MTHFD1L: variants seen among roughly 807,000 people sequenced by gnomAD.
MTHFD1L encodes methylenetetrahydrofolate dehydrogenase (NADP+ dependent) 1 like.
Under a neutral mutation model 119.5 loss-of-function variants are expected in MTHFD1L, and 81 were observed. That is an observed-to-expected ratio of 0.68 (90% CI 0.57 to 0.82). The LOEUF (loss-of-function observed/expected upper bound fraction) is 0.82. Among genes scored for constraint, MTHFD1L ranks in the 40% least tolerant of loss-of-function variants. The pLI, the probability that MTHFD1L is intolerant of heterozygous loss-of-function variation, is 0.00. For missense variants in MTHFD1L, 1,125 were observed against 1,253.4 expected (o/e 0.90, Z 1.55); for synonymous variants, 430 against 475.2 (o/e 0.90, Z 1.24).
At chr6:151,009,122 CAAAAAAAAAAA>C (rs59189384) in intron 20 of MTHFD1L, among the ~76,000 whole-genome samples, 11 of 96,874 alleles carry the variant, frequency 1.1e-4, no homozygotes, top group African/African-American at 3.4e-4. Flanking sequence ...AACTCCATCT[CAAAAAAAAAAA>C]AAAAAAAAAG....
chr6:150,918,515 G>A, intron 8 of MTHFD1L, 62 bp from the exon 9 acceptor site: 1 of 1,142,936 alleles, frequency 8.7e-7, no homozygotes, highest in Non-Finnish European at 1.3e-6. Flanking sequence ...TGTTTACAAG[G>A]AGCAATTGGT....
intron 11 of MTHFD1L, among the ~76,000 whole-genome samples, chr6:150,927,818 G>A (rs1350517467): frequency 3.3e-5 from 5 of 152,086 alleles, no homozygotes; most frequent in Non-Finnish European, 5.9e-5. Context: ...AAATGCCCAG[G>A]ATGAGGGTGG....
At chr6:150,900,253 T>A (rs1784905069) in intron 7 of MTHFD1L, among the ~76,000 whole-genome samples, 1 of 152,106 alleles carries the variant, frequency 6.6e-6, no homozygotes, top group South Asian at 2.1e-4. Context: ...TTTATCTTGC[T>A]TGACCACAGC....
At chr6:150,866,708 C>T in intron 1 of MTHFD1L, 1 of 1,123,378 alleles carries the variant, frequency 8.9e-7, no homozygotes, top group Non-Finnish European at 1.1e-6. Context: ...AGCTTCGCCG[C>T]GCAGCGCCCA....
intron 26 of MTHFD1L, among the ~76,000 whole-genome samples, chr6:151,049,660 T>TGA (rs1788702351): frequency 1.7e-5 from 1 of 59,782 alleles, no homozygotes. Flanking sequence ...AGACTCCATC[T>TGA]CAAAAAAAAA....
intron 24 of MTHFD1L, among the ~76,000 whole-genome samples, chr6:151,031,217 C>T (rs1367634122): frequency 1.3e-5 from 2 of 152,238 alleles, no homozygotes; most frequent in Non-Finnish European, 2.9e-5. Context: ...GCACTCAAAA[C>T]GACTTCCTTC....
chr6:150,880,608 G>A (rs868376569), intron 4 of MTHFD1L, among the ~76,000 whole-genome samples: 9 of 152,318 alleles, frequency 5.9e-5, no homozygotes, highest in Middle Eastern at 3.4e-3. Flanking sequence ...GTTCCCATGC[G>A]TATATACCTA....
intron 24 of MTHFD1L, among the ~76,000 whole-genome samples, chr6:151,033,977 A>G (rs1301575434): frequency 6.6e-6 from 1 of 152,022 alleles, no homozygotes; most frequent in Admixed American, 6.5e-5. Context: ...GGAGTTCAAG[A>G]CCAACCTGGG....
intron 8 of MTHFD1L, among the ~76,000 whole-genome samples, 187 bp downstream of exon 8, chr6:150,905,948 G>T (rs1186815308): frequency 6.6e-6 from 1 of 152,184 alleles, no homozygotes; most frequent in Non-Finnish European, 1.5e-5. Context: ...GACCAAGATG[G>T]CGGTTGAGGT....
At chr6:150,970,485 G>A (rs1436675735) in intron 19 of MTHFD1L, among the ~76,000 whole-genome samples, 1 of 152,166 alleles carries the variant, frequency 6.6e-6, no homozygotes, top group South Asian at 2.1e-4. Context: ...AGTCATTTTA[G>A]CCACATTTCC....
chr6:150,974,453 C>A (rs1776246637), intron 20 of MTHFD1L, among the ~76,000 whole-genome samples: 1 of 152,162 alleles, frequency 6.6e-6, no homozygotes, highest in East Asian at 1.9e-4. Flanking sequence ...AAGTTACCAT[C>A]TTCACCATTT....
chr6:151,060,629 G>C (rs906463561), intron 26 of MTHFD1L, among the ~76,000 whole-genome samples: 2 of 152,316 alleles, frequency 1.3e-5, no homozygotes, highest in Non-Finnish European at 1.5e-5. Context: ...CTCACCAGGG[G>C]TCGAGGGACA....
intron 17 of MTHFD1L, among the ~76,000 whole-genome samples, chr6:150,959,873 T>C (rs1197437400): frequency 6.6e-6 from 1 of 152,194 alleles, no homozygotes; most frequent in Non-Finnish European, 1.5e-5. Context: ...CTGCCTAATA[T>C]AGTCCCTGCC....
intron 1 of MTHFD1L, 123 bp from the exon 2 acceptor site, chr6:150,875,967 T>C: frequency 1.3e-6 from 1 of 749,274 alleles, no homozygotes. Context: ...ACACTTGGAG[T>C]GCGTCCTTCT....
chr6:150,876,294 C>A, intron 2 of MTHFD1L, 120 bp downstream of exon 2: 1 of 802,636 alleles, frequency 1.2e-6, no homozygotes, highest in Non-Finnish European at 1.9e-6. Context: ...GTTGGCAATG[C>A]TGTTTTCTTT....
intron 1 of MTHFD1L, among the ~76,000 whole-genome samples, chr6:150,870,619 A>C (rs1175415936): frequency 2.0e-5 from 3 of 152,056 alleles, no homozygotes; most frequent in Non-Finnish European, 2.9e-5. Flanking sequence ...CTAAAAAAAA[A>C]CCCATATATA....
At chr6:151,007,278 C>G (rs1225725286) in intron 20 of MTHFD1L, among the ~76,000 whole-genome samples, 2 of 152,096 alleles carry the variant, frequency 1.3e-5, no homozygotes, top group African/African-American at 4.8e-5. Context: ...CCAGCTCTCT[C>G]TAGTTGAATA....
chr6:151,042,641 T>C (rs1263831015), intron 26 of MTHFD1L, among the ~76,000 whole-genome samples: 2 of 152,228 alleles, frequency 1.3e-5, no homozygotes, highest in Admixed American at 6.5e-5. Context: ...GTTTCTATAA[T>C]TTACAAGGGC....
chr6:150,997,296 A>G (rs1779923993), intron 20 of MTHFD1L, among the ~76,000 whole-genome samples: 1 of 152,124 alleles, frequency 6.6e-6, no homozygotes. Flanking sequence ...TCTAAAAAAC[A>G]ACTTCCCAAT....
Sources: allele counts gnomAD v4.1 joint callset (sites outside exome capture counted in the v4.1 genomes callset), GRCh38; gene constraint gnomAD v4.1.1; transcripts MANE v1.5; gene names NCBI Gene and HGNC (gene_info 2026-07-23, HGNC 2026-07-21).